Variants in MYOM2 observed in about 807,000 individuals in gnomAD.
The protein encoded by MYOM2 is myomesin 2.
MYOM2 carries 254 observed loss-of-function variants against 187.6 expected under a neutral mutation model. The ratio of observed to expected loss-of-function variants is 1.35; its 90% confidence interval spans 1.22 to 1.50. The LOEUF (loss-of-function observed/expected upper bound fraction) is 1.50. MYOM2 is among the 40% of genes most tolerant of loss of function. MYOM2 has a pLI of 0.00. For synonymous variants in MYOM2, 981 were observed against 753.8 expected, an observed-to-expected ratio of 1.30 and a Z score of -4.94; for missense variants, 2,796 against 1,924.0, an observed-to-expected ratio of 1.45 and a Z score of -8.48.
At chr8:2,138,253 C>G (rs1010955482) in intron 32 of MYOM2, among the ~76,000 whole-genome samples, 1 of 152,212 alleles carries the variant, frequency 6.6e-6, no homozygotes, top group Non-Finnish European at 1.5e-5. Flanking sequence ...CACTCTCGGC[C>G]CGGCCGGCTC....
Position 2,098,935 on chromosome 8 carries a change from G to A in MYOM2, c.2392G>A (p.Asp798Asn). 1 of 1,613,586 alleles carries A rather than the reference G, an allele frequency of 6.2e-7. No homozygotes were observed. The highest frequency in any genetic ancestry group is 1.1e-5 in the South Asian group (1 of 90,842). The change falls in exon 19 of 37, where the codon GAT (aspartate) becomes AAT (asparagine). Residue 798 changes from aspartate to asparagine, a missense_variant. Coordinates refer to ENST00000262113, the MANE Select transcript of MYOM2 (RefSeq NM_003970.4). ...CCTGGCCGGCATCGGGGAGCCCTCA[G>A]ATCCCAGTGAGCACTTCAAGTGTGA... ...VNLAGIGEPS[D>N]PSEHFKCEAW... is the part of the protein sequence containing the mutation.
intron 27 of MYOM2, among the ~76,000 whole-genome samples, chr8:2,116,889 C>T (rs902133973): frequency 3.3e-5 from 5 of 152,060 alleles, no homozygotes; most frequent in Admixed American, 1.3e-4. Context: ...TCCCGAATAG[C>T]TGGGACTACA....
At chr8:2,144,512 C>T (rs1349839384) in intron 36 of MYOM2, 152 bp from the exon 37 acceptor site, 14 of 740,938 alleles carry the variant, frequency 1.9e-5, no homozygotes, top group South Asian at 7.2e-5. Flanking sequence ...CTGTCCAGAG[C>T]GGCGCTCATG....
At chr8:2,144,198 G>A (rs1046824007) in intron 36 of MYOM2, among the ~76,000 whole-genome samples, 2 of 152,190 alleles carry the variant, frequency 1.3e-5, no homozygotes, top group Non-Finnish European at 2.9e-5. Flanking sequence ...CTGAAAGCAT[G>A]TTTTAACTAA....
chr8:2,120,186 A>C (rs1797378232), intron 28 of MYOM2, among the ~76,000 whole-genome samples: 1 of 152,086 alleles, frequency 6.6e-6, no homozygotes, highest in Admixed American at 6.5e-5. Flanking sequence ...CAGGGGACAG[A>C]CTCATGATTG....
At chr8:2,049,082 C>G (rs899324396) in intron 1 of MYOM2, among the ~76,000 whole-genome samples, 1 of 152,164 alleles carries the variant, frequency 6.6e-6, no homozygotes, top group South Asian at 2.1e-4. Context: ...TGAGCTACTG[C>G]GCCCGGCTGC....
At chr8:2,140,632 G>A in intron 32 of MYOM2, 91 bp from the exon 33 acceptor site, 1 of 1,320,372 alleles carries the variant, frequency 7.6e-7, no homozygotes, top group Non-Finnish European at 1.0e-6. Context: ...GCTTAGAGAA[G>A]GCTGTCACAG....
chr8:2,046,087 G>A (rs1381459784), intron 1 of MYOM2, among the ~76,000 whole-genome samples: 1 of 152,230 alleles, frequency 6.6e-6, no homozygotes, highest in African/African-American at 2.4e-5. Context: ...ACAGGCCAAC[G>A]CTGCGTGTCT....
At chr8:2,126,267 C>T (rs1206444665) in intron 31 of MYOM2, among the ~76,000 whole-genome samples, 1 of 152,140 alleles carries the variant, frequency 6.6e-6, no homozygotes. Flanking sequence ...AATAGGGAGC[C>T]TTTATTCTCA....
Position 2,093,982 on chromosome 8 carries a change from C to T in MYOM2, c.2016C>T (p.His672=), listed in dbSNP as rs141992157. The T allele has an allele frequency of 9.4e-5, 151 of 1,613,918 alleles. No individual in the cohort carries two copies. Among genetic ancestry groups the T allele is most frequent in the Middle Eastern group, 4.9e-4 (3 of 6,072 alleles). Residue 672 remains histidine, a synonymous_variant, in exon 17 of 37, where the codon CAC becomes CAT. Coordinates refer to ENST00000262113, the MANE Select transcript of MYOM2 (RefSeq NM_003970.4). ...CTGTGTTTCTCAGGTTCGTGGTGCA[C>T]GGCTTAACCACGGGAGAGCAGTACA... ...KPIGYNRFVV[H]GLTTGEQYIF... is the part of the protein sequence containing the mutation.
At chr8:2,103,260 G>A (rs1796774871) in intron 21 of MYOM2, among the ~76,000 whole-genome samples, 1 of 149,224 alleles carries the variant, frequency 6.7e-6, no homozygotes, top group Admixed American at 6.7e-5. Flanking sequence ...GAGTGAGAGA[G>A]TGTGCATGTA....
chr8:2,116,921 T>C (rs971361259), intron 27 of MYOM2, among the ~76,000 whole-genome samples: 4 of 124,264 alleles, frequency 3.2e-5, no homozygotes, highest in Non-Finnish European at 5.0e-5. Flanking sequence ...CTATGCCCGG[T>C]TAATTTTTTC....
chr8:2,137,317 A>T (rs5023996), intron 32 of MYOM2, among the ~76,000 whole-genome samples: 24,405 of 151,630 alleles, frequency 0.16, 3,704 homozygotes, highest in African/African-American at 0.39. Flanking sequence ...CTGACCAGCG[A>T]CAGCACGAAC....
intron 28 of MYOM2, among the ~76,000 whole-genome samples, chr8:2,122,632 C>T (rs1458972104): frequency 1.3e-5 from 2 of 152,232 alleles, no homozygotes; most frequent in East Asian, 3.8e-4. Flanking sequence ...TTCAAACATT[C>T]TGCCATGCTG....
At chr8:2,099,119 G>A (rs1447993173) in intron 19 of MYOM2, 136 bp downstream of exon 19, 15 of 1,215,106 alleles carry the variant, frequency 1.2e-5, no homozygotes, top group South Asian at 8.1e-5. Context: ...CAGAGCCACC[G>A]TGCGCCAGGC....
At chr8:2,141,201 T>C in intron 34 of MYOM2, 24 bp downstream of exon 34, 1 of 1,608,214 alleles carries the variant, frequency 6.2e-7, no homozygotes, top group Non-Finnish European at 8.5e-7. Flanking sequence ...ATTTAGTTAC[T>C]ATGATATCCT....
At chr8:2,135,160 C>G (rs1798024566) in intron 32 of MYOM2, among the ~76,000 whole-genome samples, 1 of 152,066 alleles carries the variant, frequency 6.6e-6, no homozygotes, top group African/African-American at 2.4e-5. Flanking sequence ...TGTTTTCAGT[C>G]CTAGTATTTA....
intron 19 of MYOM2, chr8:2,100,615 C>G: frequency 6.3e-6 from 3 of 474,836 alleles, no homozygotes; most frequent in Non-Finnish European, 7.6e-6. Flanking sequence ...CTGCTGGTCC[C>G]GAGAATGCAG....
rs1162766874 is a variant in MYOM2, at chr8:2,144,880, G to A, written c.4297G>A (p.Val1433Met). The change falls in exon 37 of 37, where the codon GTG becomes ATG. Residue 1433 changes from valine to methionine, a missense_variant. Val to Met is a conservative substitution (Grantham distance 21, BLOSUM62 1). Coordinates refer to ENST00000262113, the MANE Select transcript of MYOM2 (RefSeq NM_003970.4). Reference sequence around the variant, plus strand: ...TGGCGGGGAGAAGATCGACGTGACAGTGAGCGTGTACAAACACGGGGAGAA... The same window carrying A: ...TGGCGGGGAGAAGATCGACGTGACAATGAGCGTGTACAAACACGGGGAGAA... ...KYGGEKIDVT[V>M]SVYKHGEKIP... The A allele has an allele frequency of 6.2e-7, 1 of 1,614,148 alleles. No individual in the cohort carries two copies. Among genetic ancestry groups the A allele is most frequent in the Non-Finnish European group, 8.5e-7 (1 of 1,180,032 alleles).
Sources: gnomAD v4.1 joint callset for allele counts (sites outside exome capture counted in the v4.1 genomes callset) on GRCh38, gnomAD v4.1.1 for gene constraint, MANE v1.5 for transcripts, NCBI Gene and HGNC (gene_info 2026-07-23, HGNC 2026-07-21) for gene names.